The following ZNF626 variants were observed in gnomAD, a reference collection of about 807,000 sequenced individuals.
ZNF626 encodes the protein zinc finger protein 626.
In ZNF626, 4 loss-of-function variants were observed where a neutral mutation model predicts 11.7. That is an observed-to-expected ratio of 0.34 (90% CI 0.17 to 0.78). The LOEUF is 0.78. Among genes scored for constraint, ZNF626 ranks in the 30% least tolerant of loss-of-function variants. ZNF626 has a pLI of 0.57. For synonymous variants in ZNF626, 179 were observed against 198.6 expected (o/e 0.90, Z 0.83); for missense variants, 588 against 587.1 (o/e 1.00, Z -0.01).
chr19:20,659,907 G>A (rs1970245686), intron 1 of ZNF626, among the ~76,000 whole-genome samples: 1 of 151,990 alleles, frequency 6.6e-6, no homozygotes, highest in Non-Finnish European at 1.5e-5. Flanking sequence ...CTCCTTCCGT[G>A]GCTGGGGTGA....
At position 20,624,299 on chromosome 19, in the gene ZNF626, G is replaced by A; in HGVS notation, c.1578C>T (p.His526=). 3.1e-6 allele frequency: 5 copies of A among 1,613,876 alleles called. No individual in the cohort carries two copies. The highest frequency in any genetic ancestry group is 4.2e-6 in the Non-Finnish European group (5 of 1,179,966). ...KPSSGPHTLL[H]IR is the part of the protein sequence containing the mutation. ...TTCTCTCCAGTATGAATTATCTTAT[G>A]TGTAGTAAGGTGTGAGGACCGCTTG... The change falls in exon 4 of 4, where the codon CAC becomes CAT. Residue 526 remains histidine, a synonymous_variant. Transcript: ENST00000601440.
At chr19:20,629,957 A>G (rs1402757239) in intron 3 of ZNF626, among the ~76,000 whole-genome samples, 1 of 152,204 alleles carries the variant, frequency 6.6e-6, no homozygotes, top group Non-Finnish European at 1.5e-5. Flanking sequence ...AGACCCATCA[A>G]TACCTAATTT....
At position 20,661,437 on chromosome 19, in the gene ZNF626, C is replaced by T. The variant is rs939366341; in HGVS notation, c.3+7G>A. 6.2e-7 allele frequency: 1 copy of T among 1,613,824 alleles called. No homozygotes were observed. Among genetic ancestry groups the T allele is most frequent in the African/African-American group, 1.3e-5 (1 of 74,934 alleles). ...CCTCTCTCGGGATGTCGGACCCTCA[C>T]TCTCACCATTTTTGGCTTCCAGGAG... On this transcript the variant is annotated splice_region_variant and intron_variant, in intron 1 of 3. Coordinates refer to ENST00000601440, the MANE Select transcript of ZNF626 (RefSeq NM_001076675.3).
intron 3 of ZNF626, among the ~76,000 whole-genome samples, chr19:20,640,249 A>G (rs1313507851): frequency 2.1e-5 from 1 of 48,146 alleles, no homozygotes; most frequent in Non-Finnish European, 3.5e-5. Context: ...TATTAATTTT[A>G]ATTATTAAAA....
chr19:20,637,384 C>A (rs960003165), intron 3 of ZNF626, among the ~76,000 whole-genome samples: 1 of 150,644 alleles, frequency 6.6e-6, no homozygotes, highest in African/African-American at 2.5e-5. Flanking sequence ...ACACGGGAGG[C>A]TGAGGCAGGA....
chr19:20,621,890 A>C lies in ZNF626; in HGVS notation c.*2400T>G, dbSNP rs897118696. ...GCACAATAGTTTTAAGATGGTAAAA[A>C]ATAAAATAAAATTAGGCTGGACATA... On this transcript the variant is annotated 3_prime_UTR_variant, in exon 4 of 4. Transcript: ENST00000601440. 6.6e-6 allele frequency: 1 copy of C among 152,202 alleles called. No homozygotes were observed. The highest frequency in any genetic ancestry group is 1.5e-5 in the Non-Finnish European group (1 of 68,030). The allele number at this position is 152,202 out of a possible 1,614,324, so 9.4% of individuals were successfully genotyped here. A position where few individuals can be genotyped will look rare whatever the true frequency, so the allele number is the denominator to read the frequency against.
intron 1 of ZNF626, among the ~76,000 whole-genome samples, chr19:20,654,363 A>G (rs1315855108): frequency 2.0e-5 from 3 of 151,926 alleles, no homozygotes; most frequent in Non-Finnish European, 4.4e-5. Flanking sequence ...GAATTGCTTG[A>G]ACCTCGGAGG....
At chr19:20,630,515 T>C (rs1555770258) in intron 3 of ZNF626, among the ~76,000 whole-genome samples, 3 of 152,192 alleles carry the variant, frequency 2.0e-5, no homozygotes, top group African/African-American at 7.2e-5. Flanking sequence ...TGGGAGGATG[T>C]ATGTGTCGAG....
chr19:20,627,116 T>C (rs1334103636), intron 3 of ZNF626, among the ~76,000 whole-genome samples: 1 of 148,482 alleles, frequency 6.7e-6, no homozygotes, highest in South Asian at 2.1e-4. Context: ...AATATTGAAA[T>C]AGCAAAAAAA....
intron 2 of ZNF626, among the ~76,000 whole-genome samples, 167 bp downstream of exon 2, chr19:20,646,112 T>G (rs1970074353): frequency 6.6e-6 from 1 of 152,156 alleles, no homozygotes; most frequent in Non-Finnish European, 1.5e-5. Context: ...TGGATTAAGA[T>G]AAAACATGTT....
chr19:20,656,707 T>C (rs1216370775), intron 1 of ZNF626, among the ~76,000 whole-genome samples: 1 of 147,034 alleles, frequency 6.8e-6, no homozygotes, highest in Non-Finnish European at 1.5e-5. Context: ...AGGTCATCGC[T>C]AGTCATTAGA....
intron 3 of ZNF626, among the ~76,000 whole-genome samples, chr19:20,630,330 G>A (rs368824235): frequency 1.3e-5 from 2 of 152,068 alleles, no homozygotes; most frequent in Non-Finnish European, 2.9e-5. Context: ...TTTTCTATTG[G>A]TTGGAATAGT....
At chr19:20,644,819 G>A (rs1444856727) in intron 3 of ZNF626, 5 of 151,782 alleles carry the variant, frequency 3.3e-5, no homozygotes, top group African/African-American at 7.3e-5. Flanking sequence ...TATATCTATG[G>A]TTTCATACAC....
intron 3 of ZNF626, among the ~76,000 whole-genome samples, chr19:20,644,393 A>G (rs1383598420): frequency 6.6e-6 from 1 of 152,178 alleles, no homozygotes; most frequent in Admixed American, 6.5e-5. Flanking sequence ...GGAAATTACA[A>G]CTACCCAAGC....
At chr19:20,630,679 TATTA>T (rs1383821631) in intron 3 of ZNF626, among the ~76,000 whole-genome samples, 1 of 152,212 alleles carries the variant, frequency 6.6e-6, no homozygotes, top group Non-Finnish European at 1.5e-5. Flanking sequence ...TTTTCTTCTT[TATTA>T]GTCTTGCTAG....
chr19:20,647,550 A>G (rs1463467259), intron 1 of ZNF626, among the ~76,000 whole-genome samples: 3 of 139,094 alleles, frequency 2.2e-5, no homozygotes, highest in Non-Finnish European at 4.5e-5. Flanking sequence ...GCAGTGGCGC[A>G]GTCTCGGCTC....
chr19:20,645,466 T>A, intron 3 of ZNF626: 1 of 1,609,694 alleles, frequency 6.2e-7, no homozygotes, highest in South Asian at 1.1e-5. Flanking sequence ...AAAAGGAAAA[T>A]CCTTAGAGAA....
chr19:20,648,035 C>T (rs142381369), intron 1 of ZNF626, among the ~76,000 whole-genome samples: 33 of 151,570 alleles, frequency 2.2e-4, no homozygotes, highest in African/African-American at 7.7e-4. Context: ...AAAAATTAGC[C>T]GGGTGTTGTG....
chr19:20,660,555 T>C (rs1970254933), intron 1 of ZNF626, among the ~76,000 whole-genome samples: 1 of 152,160 alleles, frequency 6.6e-6, no homozygotes, highest in Non-Finnish European at 1.5e-5. Flanking sequence ...GCCTCCCAAG[T>C]GGCTGGTACT....
Sources: allele counts gnomAD v4.1 joint callset (sites outside exome capture counted in the v4.1 genomes callset), GRCh38; gene constraint gnomAD v4.1.1; transcripts MANE v1.5; gene names NCBI Gene and HGNC (gene_info 2026-07-23, HGNC 2026-07-21).